PRKG1: variants seen among roughly 807,000 people sequenced by gnomAD.
PRKG1 encodes the protein protein kinase cGMP-dependent 1.
A neutral mutation model predicts 88.1 loss-of-function variants in PRKG1; 35 were observed. The observed-to-expected ratio is 0.40, with a 90% CI of 0.30 to 0.53. The LOEUF is 0.53. PRKG1 is among the 20% of genes least tolerant of loss of function. PRKG1 has a pLI of 0.59. For synonymous variants in PRKG1, 303 were observed against 292.5 expected (o/e 1.04, Z -0.37); for missense variants, 540 against 839.8 (o/e 0.64, Z 4.41).
intron 4 of PRKG1, among the ~76,000 whole-genome samples, chr10:51,841,923 T>C (rs1840286513): frequency 6.6e-6 from 1 of 152,232 alleles, no homozygotes; most frequent in African/African-American, 2.4e-5. Context: ...CCTCAAGTGA[T>C]CTGCCCGCCT....
chr10:51,251,355 C>T (rs1839423089), intron 2 of PRKG1, among the ~76,000 whole-genome samples: 1 of 151,746 alleles, frequency 6.6e-6, no homozygotes. Flanking sequence ...ATTTTTTAGC[C>T]ATGAACTCTT....
intron 7 of PRKG1, among the ~76,000 whole-genome samples, chr10:52,126,676 G>T (rs1847938693): frequency 1.3e-5 from 2 of 151,980 alleles, no homozygotes; most frequent in African/African-American, 2.4e-5. Context: ...TGTAAAAATT[G>T]TTCTTATCCT....
chr10:51,652,322 A>T, intron 3 of PRKG1, among the ~76,000 whole-genome samples: 1 of 5,214 alleles, frequency 1.9e-4, no homozygotes, highest in African/African-American at 2.2e-4. Context: ...GACACAAATT[A>T]AAAAAAAAAG....
intron 3 of PRKG1, among the ~76,000 whole-genome samples, chr10:51,665,931 G>C (rs1045356838): frequency 1.3e-5 from 2 of 151,582 alleles, no homozygotes; most frequent in African/African-American, 4.9e-5. Flanking sequence ...GTGTGTGTGT[G>C]TGTGTTTGTG....
intron 1 of PRKG1, among the ~76,000 whole-genome samples, chr10:50,996,591 C>G (rs1842839298): frequency 6.6e-6 from 1 of 152,194 alleles, no homozygotes; most frequent in African/African-American, 2.4e-5. Flanking sequence ...TGCCATTTAC[C>G]AGTCCTTCAT....
At chr10:51,096,607 T>A (rs1844537078) in intron 1 of PRKG1, among the ~76,000 whole-genome samples, 1 of 152,172 alleles carries the variant, frequency 6.6e-6, no homozygotes, top group Admixed American at 6.6e-5. Flanking sequence ...AGTTGGACTC[T>A]CAGGCCTGCC....
intron 2 of PRKG1, among the ~76,000 whole-genome samples, chr10:51,220,972 A>T (rs1178744116): frequency 6.6e-6 from 1 of 152,108 alleles, no homozygotes; most frequent in African/African-American, 2.4e-5. Flanking sequence ...ATAGTATAAT[A>T]TTTGTAATTA....
intron 5 of PRKG1, among the ~76,000 whole-genome samples, chr10:52,041,783 G>GTAAATA (rs1845760289): frequency 6.6e-6 from 1 of 151,780 alleles, no homozygotes; most frequent in Non-Finnish European, 1.5e-5. Flanking sequence ...ATAATTTCTT[G>GTAAATA]TGATCTTAAA....
chr10:51,878,081 A>T (rs1320846328), intron 4 of PRKG1, among the ~76,000 whole-genome samples: 1 of 152,206 alleles, frequency 6.6e-6, no homozygotes, highest in Admixed American at 6.5e-5. Context: ...TTCAATTTTT[A>T]AAAAATATTT....
At chr10:51,513,551 C>A (rs1412723019) in intron 3 of PRKG1, among the ~76,000 whole-genome samples, 24 of 99,336 alleles carry the variant, frequency 2.4e-4, no homozygotes, top group Admixed American at 7.6e-4. Flanking sequence ...ACATTTTTTT[C>A]AGCACCACAC....
At chr10:51,089,586 T>A (rs796234646) in intron 1 of PRKG1, among the ~76,000 whole-genome samples, 3 of 152,296 alleles carry the variant, frequency 2.0e-5, no homozygotes, top group African/African-American at 7.2e-5. Flanking sequence ...GAACACCTAA[T>A]CCTATAAAAA....
intron 12 of PRKG1, among the ~76,000 whole-genome samples, chr10:52,272,769 C>T (rs966076076): frequency 6.6e-6 from 1 of 151,292 alleles, no homozygotes; most frequent in South Asian, 2.1e-4. Context: ...AGAATTAGCT[C>T]TGTAGCTGGA....
At chr10:51,474,775 C>T (rs1366689750) in intron 3 of PRKG1, among the ~76,000 whole-genome samples, 1 of 151,934 alleles carries the variant, frequency 6.6e-6, no homozygotes, top group Non-Finnish European at 1.5e-5. Flanking sequence ...TGAGTCATGA[C>T]AAGTGTGTTT....
At chr10:51,027,568 G>T (rs925147038) in intron 1 of PRKG1, among the ~76,000 whole-genome samples, 1 of 152,082 alleles carries the variant, frequency 6.6e-6, no homozygotes, top group African/African-American at 2.4e-5. Context: ...TTTTTGAATG[G>T]AATTTAAAAT....
chr10:51,574,332 T>C (rs115128344), intron 3 of PRKG1, among the ~76,000 whole-genome samples: 79 of 152,032 alleles, frequency 5.2e-4, no homozygotes, highest in African/African-American at 1.7e-3. Context: ...ATAGCTAATT[T>C]AAAAATTCCA....
chr10:51,761,986 T>A (rs1024735525), intron 3 of PRKG1, among the ~76,000 whole-genome samples: 1 of 152,190 alleles, frequency 6.6e-6, no homozygotes, highest in Admixed American at 6.5e-5. Context: ...AAGAACATGC[T>A]ATTAACCCCC....
chr10:51,266,961 A>T (rs1162000818), intron 2 of PRKG1, among the ~76,000 whole-genome samples: 1 of 152,184 alleles, frequency 6.6e-6, no homozygotes, highest in Non-Finnish European at 1.5e-5. Flanking sequence ...AAAGTAAAAC[A>T]TTCCTTTCTT....
intron 5 of PRKG1, among the ~76,000 whole-genome samples, chr10:51,926,525 A>T (rs1318963046): frequency 6.6e-6 from 1 of 152,104 alleles, no homozygotes; most frequent in African/African-American, 2.4e-5. Flanking sequence ...CACTGTTTAA[A>T]ACAAAGCTGT....
intron 2 of PRKG1, among the ~76,000 whole-genome samples, chr10:51,183,308 G>A (rs1486440215): frequency 6.6e-6 from 1 of 152,164 alleles, no homozygotes; most frequent in African/African-American, 2.4e-5. Flanking sequence ...CGAGTGAAGT[G>A]AATCATTTTG....
Sources: gnomAD v4.1 joint callset for allele counts (sites outside exome capture counted in the v4.1 genomes callset) on GRCh38, gnomAD v4.1.1 for gene constraint, MANE v1.5 for transcripts, NCBI Gene and HGNC (gene_info 2026-07-23, HGNC 2026-07-21) for gene names.